Variants in SZT2 observed in about 807,000 individuals in gnomAD.
SZT2 encodes the protein SZT2 subunit of KICSTOR complex, also known as KICSTOR complex protein SZT2.
A neutral mutation model predicts 404.2 loss-of-function variants in SZT2; 216 were observed. That is an observed-to-expected ratio of 0.53 (90% CI 0.48 to 0.60). The LOEUF (loss-of-function observed/expected upper bound fraction) is 0.60, where lower values mean the gene tolerates loss of function less well. Ranked by LOEUF, SZT2 falls within the 20% of genes least tolerant of loss-of-function variation. SZT2 has a pLI of 0.00. For synonymous variants in SZT2, 1,693 were observed against 1,749.9 expected, an observed-to-expected ratio of 0.97 and a Z score of 0.81; for missense variants, 3,857 against 4,459.2, an observed-to-expected ratio of 0.86 and a Z score of 3.85.
In SZT2 at chr1:43,427,656, A is replaced by G; in HGVS notation, c.3725A>G (p.Tyr1242Cys). The G allele has an allele frequency of 1.2e-6, 2 of 1,614,158 alleles. No homozygotes were observed. The highest frequency in any genetic ancestry group is 1.7e-6 in the Non-Finnish European group (2 of 1,180,028). Reference protein sequence around the residue: ...GPRTRCPVYIYSCSLEALREQ... With the variant: ...GPRTRCPVYICSCSLEALREQ... ...CGGACCCGGTGTCCTGTCTACATCTACAGCTGTTCACTGGAAGCGCTGAGG... is the reference window on the plus strand; with the variant it reads ...CGGACCCGGTGTCCTGTCTACATCTGCAGCTGTTCACTGGAAGCGCTGAGG... The change falls in exon 26 of 72, where the codon TAC becomes TGC. Residue 1242 changes from tyrosine to cysteine, a missense_variant. This residue lies in a region of SZT2 where 1,725 missense variants were observed against 1,881.0 expected (regional missense o/e 0.92). Transcript: ENST00000634258.
chr1:43,431,070 C>T lies in SZT2; in HGVS notation c.4896C>T (p.Ala1632=), dbSNP rs1276663017. The T allele has an allele frequency of 1.2e-6, 2 of 1,613,716 alleles. No individual in the cohort carries two copies. The highest frequency in any genetic ancestry group is 1.7e-5 in the Admixed American group (1 of 59,936). ...CCCTGGAAGTGGAGCTCCCCACGGCCTCGGACCCTCAGCACCACCGGTGTG... is the reference window on the plus strand; with the variant it reads ...CCCTGGAAGTGGAGCTCCCCACGGCTTCGGACCCTCAGCACCACCGGTGTG... The part of the protein sequence containing the change: ...TLPLEVELPT[A]SDPQHHRSTS... The change falls in exon 33 of 72, where the codon GCC becomes GCT. Residue 1632 remains alanine (A), a synonymous_variant. Transcript: ENST00000634258.
intron 33 of SZT2, 23 bp from the exon 34 acceptor site, chr1:43,431,242 T>C: frequency 6.3e-7 from 1 of 1,586,010 alleles, no homozygotes; most frequent in East Asian, 2.2e-5. Flanking sequence ...TCCTGACCTT[T>C]GACTTGTTCC....
chr1:43,435,071 T>G, intron 41 of SZT2, 129 bp from the exon 42 acceptor site: 1 of 1,105,484 alleles, frequency 9.0e-7, no homozygotes, highest in South Asian at 1.5e-5. Context: ...CTGTGATGAC[T>G]GATATTCTTG....
rs370164213 is a variant in SZT2, at chr1:43,442,868, G to A, written c.8201G>A (p.Arg2734Gln). The change falls in exon 59 of 72, where the codon CGG (arginine) becomes CAG (glutamine). Residue 2734 changes from arginine to glutamine, a missense_variant. Transcript: ENST00000634258. This position sits in a 1 kb window ranked among gnomAD's most constrained non-coding sequence, Gnocchi z 4.5. ...LPTMEVETLI[R>Q]SASPPLSREQ... Reference sequence around the variant, plus strand: ...ACCATGGAAGTGGAGACCCTCATCCGGAGTGCAAGTCCCCCGCTGAGCCGT... The same window carrying A: ...ACCATGGAAGTGGAGACCCTCATCCAGAGTGCAAGTCCCCCGCTGAGCCGT... 34 of 1,613,036 alleles carry A rather than the reference G, an allele frequency of 2.1e-5. No individual in the cohort carries two copies. Among genetic ancestry groups the A allele is most frequent in the Non-Finnish European group, 1.8e-5 (21 of 1,179,512 alleles).
Position 43,424,988 on chromosome 1 carries a change from A to C in SZT2, c.2551-125A>C. ...GGGACCCTGTGGCCAGAGGATGCTC[A>C]AGGTCTGAGGCTGCAGTCATAGGAC... is the stretch of plus-strand genomic sequence containing the variant. On this transcript the variant is annotated intron_variant, in intron 17 of 71. Transcript: ENST00000634258. The surrounding 1 kb of genome is among the most constrained non-coding windows in gnomAD (Gnocchi z 4.1). 1.3e-6 allele frequency: 2 copies of C among 1,501,440 alleles called. No homozygotes were observed. The highest frequency in any genetic ancestry group is 1.8e-6 in the Non-Finnish European group (2 of 1,082,364). 93.0% of individuals were successfully genotyped at this position (1,501,440 alleles called of 1,614,324 possible). A position where few individuals can be genotyped will look rare whatever the true frequency, so the allele number is the denominator to read the frequency against.
chr1:43,427,205 A>AC (rs771228483), intron 24 of SZT2, 26 bp downstream of exon 24: 1 of 1,611,482 alleles, frequency 6.2e-7, no homozygotes, highest in Admixed American at 1.7e-5. Context: ...CTCCTCACGA[A>AC]CCCCCTCAGA....
intron 51 of SZT2, 31 bp from the exon 52 acceptor site, chr1:43,440,422 G>A (rs1323593047): frequency 6.4e-7 from 1 of 1,551,416 alleles, no homozygotes; most frequent in African/African-American, 1.4e-5. Flanking sequence ...GATGATCAGT[G>A]ATGGGTGTCT....
At position 43,420,291 on chromosome 1, in the gene SZT2, G is replaced by T. The variant is rs2153932161; in HGVS notation, c.1229G>T (p.Gly410Val). Residue 410 changes from glycine (G) to valine (V), a missense_variant, in exon 9 of 72, where the codon GGC (glycine) becomes GTC (valine). Gly to Val is a moderately radical substitution (Grantham distance 109). This residue lies in a region of SZT2 where 536 missense variants were observed against 637.4 expected (regional missense o/e 0.84). Coordinates refer to ENST00000634258, the MANE Select transcript of SZT2 (RefSeq NM_001365999.1). This position sits in a 1 kb window ranked among gnomAD's most constrained non-coding sequence, Gnocchi z 5.1. ...VSTVSVRLRE[G>V]YSVREVTLAK... ...ACTGTGTCCGTACGGCTTCGAGAGG[G>T]CTACAGTGTCCGAGAGGTCACACTG... The T allele has an allele frequency of 6.3e-7, 1 of 1,597,428 alleles. No homozygotes were observed. The highest frequency in any genetic ancestry group is 1.1e-5 in the South Asian group (1 of 90,886).
intron 1 of SZT2, among the ~76,000 whole-genome samples, chr1:43,390,355 C>A (rs540469729): frequency 2.6e-5 from 4 of 152,306 alleles, no homozygotes; most frequent in African/African-American, 9.6e-5. Flanking sequence ...TTTTGCATTT[C>A]TTTAGGCATT....
In SZT2 at chr1:43,453,491, T is replaced by C. The variant is rs1216704174; in HGVS notation, c.*3011T>C. 10 of 1,554,282 alleles carry C rather than the reference T, an allele frequency of 6.4e-6. No homozygotes were observed. The highest frequency in any genetic ancestry group is 1.2e-5 in the South Asian group (1 of 84,188). ...CCCCAGCCCCATTTCCCCCTTCTCT[T>C]GGTCTCCTGCAGAGAGAACGGGCCT... On this transcript the variant is annotated 3_prime_UTR_variant, in exon 72 of 72. Transcript: ENST00000634258.
chr1:43,445,674 T>A (rs1655578233), intron 62 of SZT2: 1 of 608,792 alleles, frequency 1.6e-6, no homozygotes, highest in Non-Finnish European at 3.0e-6. Context: ...CACTGAGCAC[T>A]GTTTTTGCCT....
intron 4 of SZT2, chr1:43,412,690 C>G (rs1651216309): frequency 6.6e-6 from 1 of 152,024 alleles, no homozygotes; most frequent in African/African-American, 2.4e-5. Context: ...AAACAATAAA[C>G]AAAGTGAGGA....
Position 43,422,871 on chromosome 1 carries a change from G to C in SZT2, c.2025G>C (p.Pro675=). ...RLGFPIGTPA[P]ARHKIVSGLR... is the part of the protein sequence containing the mutation. Reference sequence around the variant, plus strand: ...GTTTTCCCATTGGCACACCAGCACCGGCCCGGCACAAGGTAAGCTGGGCCC... The same window carrying C: ...GTTTTCCCATTGGCACACCAGCACCCGCCCGGCACAAGGTAAGCTGGGCCC... Residue 675 remains proline (P), a synonymous_variant, in exon 14 of 72, where the codon CCG becomes CCC. Transcript: ENST00000634258. 1 of 1,585,682 alleles carries C rather than the reference G, an allele frequency of 6.3e-7. No individual in the cohort carries two copies.
At chr1:43,446,448 C>T (rs1210150096) in intron 65 of SZT2, 32 bp downstream of exon 65, 2 of 1,612,852 alleles carry the variant, frequency 1.2e-6, no homozygotes, top group East Asian at 2.2e-5. Flanking sequence ...ACAGTCAGTG[C>T]ACCCCAGTGT....
chr1:43,422,275 G>C (rs765344767), intron 12 of SZT2, 50 bp downstream of exon 12: 1 of 1,533,748 alleles, frequency 6.5e-7, no homozygotes, highest in Non-Finnish European at 8.8e-7. Flanking sequence ...ATCGGGGTCA[G>C]GGGGATAGGG....
Position 43,430,395 on chromosome 1 carries a change from T to C in SZT2, c.4480+6T>C, listed in dbSNP as rs755958603. On this transcript the variant is annotated splice_donor_region_variant and intron_variant, in intron 31 of 71. Transcript: ENST00000634258. ...TGAGCTTATGGGAGAAGAAGGTATG[T>C]GGGCAAGTGAGTCAAGGTGGGGAAG... The C allele has an allele frequency of 6.2e-7, 1 of 1,605,946 alleles. No individual in the cohort carries two copies. The highest frequency in any genetic ancestry group is 1.1e-5 in the South Asian group (1 of 90,380).
rs916822973 is a variant in SZT2 at position 43,446,110 on chromosome 1, A to G, written c.8917-69A>G. On this transcript the variant is annotated intron_variant, in intron 63 of 71. Transcript: ENST00000634258. ...CTGACACCATTAAAGTCAGGGTCCA[A>G]GGGACTTCCACCCTACTGATTCGAG... 21 of 1,601,172 alleles carry G rather than the reference A, an allele frequency of 1.3e-5. No individual in the cohort carries two copies. In the Admixed American group the frequency reaches 1.8e-4, roughly 14 times the overall value.
At chr1:43,394,205 T>TA in intron 1 of SZT2, 67 of 255,710 alleles carry the variant, frequency 2.6e-4, no homozygotes, top group Non-Finnish European at 3.6e-4. Flanking sequence ...GCCCATCAAC[T>TA]CTTTTTTTTT....
Position 43,453,784 on chromosome 1 carries a change from G to C in SZT2, c.*3304G>C. 1 of 1,283,914 alleles carries C rather than the reference G, an allele frequency of 7.8e-7. No individual in the cohort carries two copies. The allele number at this position is 1,283,914 out of a possible 1,614,324, so 79.5% of individuals were successfully genotyped here. On this transcript the variant is annotated 3_prime_UTR_variant, in exon 72 of 72. Transcript: ENST00000634258. Reference sequence around the variant, plus strand: ...CAGGACAGATTGGCGGAGAAGCGCAGCGGCGCCATGCCTGGGGAGGCCGGG... The same window carrying C: ...CAGGACAGATTGGCGGAGAAGCGCACCGGCGCCATGCCTGGGGAGGCCGGG...
Sources: gnomAD v4.1 joint callset for allele counts (sites outside exome capture counted in the v4.1 genomes callset) on GRCh38, gnomAD v4.1.1 for gene constraint, gnomAD v4.1.1 regional missense constraint, Gnocchi (gnomAD v3.1) non-coding constraint, MANE v1.5 for transcripts, NCBI Gene and HGNC (gene_info 2026-07-23, HGNC 2026-07-21) for gene names.